Variants in SPATA16 observed in about 807,000 individuals in gnomAD.
The protein encoded by SPATA16 is spermatogenesis associated 16.
In SPATA16, 36 loss-of-function variants were observed where a neutral mutation model predicts 63.3. The ratio of observed to expected loss-of-function variants is 0.57; its 90% CI spans 0.44 to 0.75. The LOEUF is 0.75. Ranked by LOEUF, SPATA16 falls within the 30% of genes least tolerant of loss-of-function variation. The pLI is 0.00. For missense variants in SPATA16, 646 were observed against 679.3 expected, an observed-to-expected ratio of 0.95 and a Z score of 0.54; for synonymous variants, 203 against 216.7, an observed-to-expected ratio of 0.94 and a Z score of 0.56.
chr3:172,932,769 C>G (rs1560071056), intron 6 of SPATA16, among the ~76,000 whole-genome samples: 1 of 151,934 alleles, frequency 6.6e-6, no homozygotes, highest in Admixed American at 6.6e-5. Flanking sequence ...CATATGTATA[C>G]TATATAGATA....
intron 5 of SPATA16, among the ~76,000 whole-genome samples, chr3:172,974,120 G>A (rs944335798): frequency 1.3e-5 from 2 of 152,122 alleles, no homozygotes; most frequent in Admixed American, 6.5e-5. Flanking sequence ...GTTCACCAAA[G>A]CAAAGGTCCA....
Position 172,889,680 on chromosome 3 carries a change from C to T in SPATA16, c.1600G>A (p.Glu534Lys), listed in dbSNP as rs202174294. Residue 534 changes from glutamate to lysine, a missense_variant, in exon 11 of 11, where the codon GAA becomes AAA. Coordinates refer to ENST00000351008, the MANE Select transcript of SPATA16 (RefSeq NM_031955.6). ...WNMIQKVGQI[E>K]DFLYQLEDSF... ...TCCTCTAATTGGTATAGAAAATCTT[C>T]AATTTGTCCAACCTAGAAGAAATAA... 2.6e-5 allele frequency: 42 copies of T among 1,612,902 alleles called. No homozygotes were observed. The highest frequency in any genetic ancestry group is 3.3e-5 in the Non-Finnish European group (39 of 1,179,662).
chr3:172,947,954 G>GA (rs1377829768), intron 6 of SPATA16, among the ~76,000 whole-genome samples: 1 of 151,704 alleles, frequency 6.6e-6, no homozygotes, highest in South Asian at 2.1e-4. Flanking sequence ...ATTAAAAAAA[G>GA]AAAAAAAGAA....
intron 5 of SPATA16, 85 bp downstream of exon 5, chr3:172,976,883 C>T: frequency 9.3e-7 from 1 of 1,074,026 alleles, no homozygotes; most frequent in South Asian, 1.3e-5. Flanking sequence ...CTACCTTTTT[C>T]TTCAGTCTTT....
chr3:172,945,722 C>T (rs183183418), intron 6 of SPATA16, among the ~76,000 whole-genome samples: 6 of 152,316 alleles, frequency 3.9e-5, no homozygotes, highest in Non-Finnish European at 7.3e-5. Flanking sequence ...AATTCTCCAT[C>T]CCAGCGGTCA....
intron 3 of SPATA16, among the ~76,000 whole-genome samples, chr3:173,042,145 G>T (rs934129846): frequency 6.6e-6 from 1 of 152,012 alleles, no homozygotes; most frequent in Non-Finnish European, 1.5e-5. Context: ...CACCCCAAAA[G>T]CTGTATTTTC....
At chr3:173,057,119 T>TC (rs1577152065) in intron 2 of SPATA16, among the ~76,000 whole-genome samples, 2 of 150,742 alleles carry the variant, frequency 1.3e-5, no homozygotes, top group African/African-American at 2.4e-5. Context: ...TCTTTTCTTT[T>TC]TTTTTTTTTT....
intron 3 of SPATA16, among the ~76,000 whole-genome samples, chr3:173,044,196 C>T (rs544444537): frequency 6.6e-6 from 1 of 152,184 alleles, no homozygotes; most frequent in South Asian, 2.1e-4. Flanking sequence ...TCTTCTTTCT[C>T]TGAGACTTCA....
At chr3:172,898,892 A>C (rs531308975) in intron 10 of SPATA16, among the ~76,000 whole-genome samples, 1 of 151,802 alleles carries the variant, frequency 6.6e-6, no homozygotes, top group African/African-American at 2.4e-5. Context: ...GTATCCCACA[A>C]ATTTTGATAT....
chr3:173,013,157 A>G (rs980083775), intron 4 of SPATA16, among the ~76,000 whole-genome samples: 4 of 152,244 alleles, frequency 2.6e-5, no homozygotes, highest in Non-Finnish European at 4.4e-5. Context: ...GCTAACAAAT[A>G]TAAAAAAATG....
chr3:172,903,633 C>T lies in SPATA16; in HGVS notation c.1587+10028G>A, dbSNP rs553328146. ...GACCCTCAGGGCGACAGTAAGTATA[C>T]TGCAGAAATGTCTAGATTTCTAAGC... On this transcript the variant is annotated intron_variant, in intron 10 of 10. Coordinates refer to ENST00000351008, the MANE Select transcript of SPATA16 (RefSeq NM_031955.6). Among the ~76,000 whole-genome samples the T allele has an allele frequency of 5.3e-5, 8 of 152,332 alleles. No homozygotes were observed. In the South Asian group the frequency reaches 1.7e-3, roughly 32 times the overall value.
chr3:172,966,464 C>G (rs1733922030), intron 5 of SPATA16, among the ~76,000 whole-genome samples: 1 of 151,846 alleles, frequency 6.6e-6, no homozygotes, highest in African/African-American at 2.4e-5. Context: ...GTAGGCTGCA[C>G]TATATATATA....
chr3:173,024,360 T>C (rs1339382397), intron 3 of SPATA16, among the ~76,000 whole-genome samples: 1 of 151,564 alleles, frequency 6.6e-6, no homozygotes, highest in Non-Finnish European at 1.5e-5. Flanking sequence ...CAATATTTCA[T>C]TGATAATTAT....
intron 5 of SPATA16, among the ~76,000 whole-genome samples, chr3:172,965,115 G>T (rs1733884549): frequency 6.6e-6 from 1 of 152,182 alleles, no homozygotes; most frequent in South Asian, 2.1e-4. Context: ...TATTCTGTTA[G>T]TTTGCTAAAA....
At chr3:172,961,079 TTC>T (rs1560080395) in intron 5 of SPATA16, among the ~76,000 whole-genome samples, 24 of 137,492 alleles carry the variant, frequency 1.7e-4, no homozygotes, top group East Asian at 8.5e-4. Context: ...TCTTCCTTCC[TTC>T]CTTCCTTCCT....
At chr3:173,014,496 C>A (rs1735137103) in intron 4 of SPATA16, among the ~76,000 whole-genome samples, 1 of 152,170 alleles carries the variant, frequency 6.6e-6, no homozygotes. Flanking sequence ...ATGCTCACTA[C>A]CTGGGTAACA....
intron 6 of SPATA16, among the ~76,000 whole-genome samples, chr3:172,942,413 A>C (rs1162690328): frequency 6.6e-6 from 1 of 152,224 alleles, no homozygotes; most frequent in Non-Finnish European, 1.5e-5. Flanking sequence ...AAAACTAGTG[A>C]ATTTATTAAT....
Position 173,115,898 on chromosome 3 carries a change from C to CT in SPATA16, c.612+1221dup, listed in dbSNP as rs1213897661. 9.6e-3 allele frequency among the ~76,000 whole-genome samples: 1,380 copies of CT among 143,084 alleles called. 18 individuals carry two copies. Among genetic ancestry groups the CT allele is most frequent in the African/African-American group, 0.032 (1,230 of 38,782 alleles). 93.9% of individuals were successfully genotyped at this position (143,084 alleles called of 152,430 possible). On this transcript the variant is annotated intron_variant, in intron 2 of 10. Transcript: ENST00000351008. ...TTACTCTTGTGGGCATTTTTTTTTTCTTTTTTTTTTTTGACACAGAGTCTT... is the reference window on the plus strand; with the variant it reads ...TTACTCTTGTGGGCATTTTTTTTTTCTTTTTTTTTTTTTGACACAGAGTCTT...
At position 172,895,374 on chromosome 3, in the gene SPATA16, C is replaced by T. The variant is rs116546288; in HGVS notation, c.1588-5682G>A. Among the ~76,000 whole-genome samples the T allele has an allele frequency of 1.3e-3, 192 of 152,256 alleles. 1 individual carries two copies. Among genetic ancestry groups the T allele is most frequent in the African/African-American group, 4.5e-3 (187 of 41,534 alleles). ...TTTTGAGACAAGAGTCTTGCTGTGT[C>T]ACCCAAGGCGGAGTGCAGTGGTGTG... On this transcript the variant is annotated intron_variant, in intron 10 of 10. Coordinates refer to ENST00000351008, the MANE Select transcript of SPATA16 (RefSeq NM_031955.6).
Sources: gnomAD v4.1 joint callset for allele counts (sites outside exome capture counted in the v4.1 genomes callset) on GRCh38, gnomAD v4.1.1 for gene constraint, MANE v1.5 for transcripts, NCBI Gene and HGNC (gene_info 2026-07-23, HGNC 2026-07-21) for gene names.